Variants in USP24 observed in about 807,000 individuals in gnomAD.
USP24 encodes ubiquitin carboxyl-terminal hydrolase 24.
A neutral mutation model predicts 361.6 loss-of-function variants in USP24; 97 were observed. That is an observed-to-expected ratio of 0.27 (90% CI 0.23 to 0.32). The LOEUF (loss-of-function observed/expected upper bound fraction) is 0.32. Ranked by LOEUF, USP24 falls within the 10% of genes least tolerant of loss-of-function variation. USP24 has a pLI of 1.00. For missense variants in USP24, 2,353 were observed against 3,165.6 expected (o/e 0.74, Z 6.16); for synonymous variants, 1,098 against 1,124.6 (o/e 0.98, Z 0.47).
Position 55,071,834 on chromosome 1 carries a change from C to T in USP24, c.7780G>A (p.Gly2594Arg), listed in dbSNP as rs1308743791. The change falls in exon 67 of 68, where the codon GGA (glycine) becomes AGA (arginine). Residue 2594 changes from glycine (G) to arginine (R), a missense_variant. Gly to Arg is a moderately radical substitution (Grantham distance 125). This residue lies in a region of USP24 where 53 missense variants were observed against 57.7 expected (regional missense o/e 0.92). Transcript: ENST00000294383. Reference sequence around the variant, plus strand: ...TATACCTGCTGTAGATGCCTGTCTCCGTTCTCATTGGCAGGACTACTCTCC... The same window carrying T: ...TATACCTGCTGTAGATGCCTGTCTCTGTTCTCATTGGCAGGACTACTCTCC... ...GSESSPANEN[G>R]DRHLQQGSES... is the part of the protein sequence containing the mutation. 2 of 1,612,966 alleles carry T rather than the reference C, an allele frequency of 1.2e-6. No individual in the cohort carries two copies. Among genetic ancestry groups the T allele is most frequent in the Admixed American group, 1.7e-5 (1 of 59,944 alleles).
chr1:55,076,482 T>G (rs1645033714), intron 62 of USP24, among the ~76,000 whole-genome samples: 1 of 152,188 alleles, frequency 6.6e-6, no homozygotes, highest in Non-Finnish European at 1.5e-5. Flanking sequence ...GTATCAAGAA[T>G]TCGAAGGGAA....
At chr1:55,134,447 T>C (rs1646678109) in intron 28 of USP24, 34 bp from the exon 29 acceptor site, 4 of 1,548,726 alleles carry the variant, frequency 2.6e-6, no homozygotes, top group Non-Finnish European at 3.5e-6. Context: ...AATTCAAATT[T>C]ACAAAAGAAT....
intron 12 of USP24, among the ~76,000 whole-genome samples, chr1:55,155,285 T>A (rs1176186845): frequency 6.6e-6 from 1 of 152,202 alleles, no homozygotes; most frequent in Non-Finnish European, 1.5e-5. Flanking sequence ...TAGACCCTAT[T>A]GTCAACCTTA....
rs777328294 is a variant in USP24 at position 55,107,841 on chromosome 1, CAA to C, written c.4571-413_4571-412del. ...TGGGCAAAAGAGCAAGACTCTGTCT[CAA>C]AAAAAAAAAAAAAAAAAAAAAAACA... On this transcript the variant is annotated intron_variant, in intron 39 of 67. Transcript: ENST00000294383. 1.8e-3 allele frequency among the ~76,000 whole-genome samples: 69 copies of C among 38,258 alleles called. 1 individual carries two copies. The highest frequency in any genetic ancestry group is 0.016 in the Admixed American group (32 of 1,944). The allele number at this position is 38,258 out of a possible 152,430, so 25.1% of individuals were successfully genotyped here.
intron 12 of USP24, among the ~76,000 whole-genome samples, chr1:55,155,591 G>A (rs1647560533): frequency 6.6e-6 from 1 of 152,080 alleles, no homozygotes; most frequent in Non-Finnish European, 1.5e-5. Context: ...TAATATCTTG[G>A]GACCCGGGAC....
intron 44 of USP24, among the ~76,000 whole-genome samples, chr1:55,100,434 TGTG>T (rs1376356448): frequency 1.3e-5 from 2 of 150,756 alleles, no homozygotes; most frequent in African/African-American, 2.4e-5. Flanking sequence ...AGGTGGAGGT[TGTG>T]GTGAGCCAAG....
At chr1:55,070,293 C>T (rs183172661) in intron 67 of USP24, among the ~76,000 whole-genome samples, 13 of 151,976 alleles carry the variant, frequency 8.6e-5, no homozygotes, top group Admixed American at 2.6e-4. Flanking sequence ...AAGGTGGGTG[C>T]GGAGAGAATA....
At position 55,066,988 on chromosome 1, in the gene USP24, T is replaced by G. The variant is rs998081696; in HGVS notation, c.*2057A>C. ...AGCAATCAAGTGGTTACCAGCAAAG[T>G]GAAAACGATGGTCATTGCAGCAACA... is the stretch of plus-strand genomic sequence containing the variant. On this transcript the variant is annotated 3_prime_UTR_variant, in exon 68 of 68. Transcript: ENST00000294383. The G allele has an allele frequency of 6.6e-6, 1 of 152,032 alleles. No homozygotes were observed. The highest frequency in any genetic ancestry group is 2.4e-5 in the African/African-American group (1 of 41,370). 9.4% of individuals were successfully genotyped at this position (152,032 alleles called of 1,614,324 possible). A position where few individuals can be genotyped will look rare whatever the true frequency, so the allele number is the denominator to read the frequency against.
intron 43 of USP24, among the ~76,000 whole-genome samples, 174 bp downstream of exon 43, chr1:55,101,410 T>C (rs1645630582): frequency 6.6e-6 from 1 of 152,112 alleles, no homozygotes. Context: ...ACAGCAACTT[T>C]ATAAAAATGT....
At chr1:55,172,309 A>G in intron 4 of USP24, 68 bp downstream of exon 4, 1 of 1,361,846 alleles carries the variant, frequency 7.3e-7, no homozygotes, top group Non-Finnish European at 9.7e-7. Context: ...ATTAATTACA[A>G]GTCAGAGAAC....
intron 31 of USP24, among the ~76,000 whole-genome samples, chr1:55,130,464 A>G (rs1206471807): frequency 6.6e-6 from 1 of 152,240 alleles, no homozygotes; most frequent in Non-Finnish European, 1.5e-5. Flanking sequence ...AAAGACTCTC[A>G]TTGCCTCAGT....
intron 1 of USP24, among the ~76,000 whole-genome samples, chr1:55,208,355 C>T (rs746727394): frequency 5.3e-5 from 8 of 152,158 alleles, no homozygotes; most frequent in African/African-American, 1.4e-4. Context: ...TGGCCAGGTG[C>T]GGAGGCTCAC....
intron 2 of USP24, among the ~76,000 whole-genome samples, chr1:55,177,541 T>C (rs1351224837): frequency 6.6e-6 from 1 of 152,190 alleles, no homozygotes; most frequent in Non-Finnish European, 1.5e-5. Flanking sequence ...GTGTTCATAC[T>C]GACACCCACT....
At chr1:55,164,700 C>A (rs892168656) in intron 7 of USP24, among the ~76,000 whole-genome samples, 1 of 151,944 alleles carries the variant, frequency 6.6e-6, no homozygotes, top group African/African-American at 2.4e-5. Flanking sequence ...GACTCTTTAA[C>A]TTTAGCACAT....
chr1:55,185,136 A>G (rs1357516866), intron 1 of USP24, among the ~76,000 whole-genome samples: 1 of 151,880 alleles, frequency 6.6e-6, no homozygotes, highest in Non-Finnish European at 1.5e-5. Flanking sequence ...GTTTTGTTTT[A>G]GAAATAGGGT....
intron 67 of USP24, among the ~76,000 whole-genome samples, chr1:55,069,598 G>A (rs1644878735): frequency 6.6e-6 from 1 of 152,132 alleles, no homozygotes; most frequent in Non-Finnish European, 1.5e-5. Context: ...AGTTGGAGCT[G>A]GGGTGGGGAG....
rs2100475183 is a variant in USP24 at position 55,092,830 on chromosome 1, T to C, written c.6441A>G (p.Ser2147=). Residue 2147 remains serine (S), a synonymous_variant, in exon 53 of 68, where the codon TCA becomes TCG. Coordinates refer to ENST00000294383, the MANE Select transcript of USP24 (RefSeq NM_015306.3). ...DYFSFVLSLA[S]LNATKLKHPY... is the part of the protein sequence containing the mutation. ...CCAGTTAGTTACTTACAGCATTCAA[T>C]GAAGCTAAAGACAAAACAAAACTGA... 6.3e-7 allele frequency: 1 copy of C among 1,585,158 alleles called. No homozygotes were observed. Among genetic ancestry groups the C allele is most frequent in the Non-Finnish European group, 8.6e-7 (1 of 1,165,924 alleles).
intron 37 of USP24, 112 bp downstream of exon 37, chr1:55,121,324 C>A: frequency 1.1e-6 from 1 of 940,728 alleles, no homozygotes. Context: ...CGTACACTCC[C>A]TGAGAGCACT....
chr1:55,171,760 T>G, intron 4 of USP24, 82 bp from the exon 5 acceptor site: 1 of 1,454,766 alleles, frequency 6.9e-7, no homozygotes, highest in Non-Finnish European at 9.3e-7. Context: ...GATAAAAATA[T>G]AGCCTTTGAC....
Sources: gnomAD v4.1 joint callset for allele counts (sites outside exome capture counted in the v4.1 genomes callset) on GRCh38, gnomAD v4.1.1 for gene constraint, gnomAD v4.1.1 regional missense constraint, MANE v1.5 for transcripts, NCBI Gene and HGNC (gene_info 2026-07-23, HGNC 2026-07-21) for gene names.